RAPGEF2: variants seen among roughly 807,000 people sequenced by gnomAD.
The protein encoded by RAPGEF2 is PDZ domain containing guanine nucleotide exchange factor (GEF) 1.
Under a neutral mutation model 186.7 loss-of-function variants are expected in RAPGEF2, and 54 were observed. The ratio of observed to expected loss-of-function variants is 0.29; its 90% confidence interval spans 0.23 to 0.36. RAPGEF2 has a LOEUF of 0.36. Among genes scored for constraint, RAPGEF2 ranks in the 10% least tolerant of loss-of-function variants. The pLI is 1.00. For synonymous variants in RAPGEF2, 712 were observed against 705.9 expected, an observed-to-expected ratio of 1.01 and a Z score of -0.14; for missense variants, 1,532 against 2,045.0, an observed-to-expected ratio of 0.75 and a Z score of 4.84.
intron 11 of RAPGEF2, among the ~76,000 whole-genome samples, chr4:159,325,824 G>GT (rs1166577060): frequency 3.9e-4 from 60 of 152,314 alleles, no homozygotes; most frequent in South Asian, 1.9e-3. Flanking sequence ...GGAAGAGGAA[G>GT]TAGGGGTTAT....
At chr4:159,292,565 C>CA (rs1347672876) in intron 7 of RAPGEF2, among the ~76,000 whole-genome samples, 1 of 152,268 alleles carries the variant, frequency 6.6e-6, no homozygotes, top group African/African-American at 2.4e-5. Flanking sequence ...TCTATGGAGT[C>CA]AGAGTTTTGA....
chr4:159,358,211 G>T lies in RAPGEF2; in HGVS notation c.*72G>T. ...ACAAGAAGACGTCCTGAGCATTGGAGCCTTGGAACTCACATTCTGAGGACG... is the reference window on the plus strand; with the variant it reads ...ACAAGAAGACGTCCTGAGCATTGGATCCTTGGAACTCACATTCTGAGGACG... On this transcript the variant is annotated 3_prime_UTR_variant, in exon 30 of 30. Coordinates refer to ENST00000691494, the MANE Select transcript of RAPGEF2 (RefSeq NM_001394067.2). 4 of 1,469,190 alleles carry T rather than the reference G, an allele frequency of 2.7e-6. No homozygotes were observed. The highest frequency in any genetic ancestry group is 3.7e-6 in the Non-Finnish European group (4 of 1,073,690). The allele number at this position is 1,469,190 out of a possible 1,614,324, so 91.0% of individuals were successfully genotyped here.
At chr4:159,161,018 TA>T (rs1299526854) in intron 1 of RAPGEF2, among the ~76,000 whole-genome samples, 11 of 152,140 alleles carry the variant, frequency 7.2e-5, no homozygotes, top group Admixed American at 4.6e-4. Flanking sequence ...ATTCATAGCT[TA>T]AAAAAATGCT....
In RAPGEF2 at chr4:159,323,490, C is replaced by G. The variant is rs373158709; in HGVS notation, c.1022C>G (p.Ser341Cys). ...LDSWSVILNG[S>C]VEVTYPDGKA... ...TCCTGGTCAGTGATTCTCAATGGATCTGTGGAAGTGACTTATCCAGATGGA... is the reference window on the plus strand; with the variant it reads ...TCCTGGTCAGTGATTCTCAATGGATGTGTGGAAGTGACTTATCCAGATGGA... The change falls in exon 11 of 30, where the codon TCT becomes TGT. Residue 341 changes from serine (S) to cysteine (C), a missense_variant. This residue lies in a region of RAPGEF2 where 810 missense variants were observed against 1,210.5 expected (regional missense o/e 0.67). Transcript: ENST00000691494. 89 of 1,610,544 alleles carry G rather than the reference C, an allele frequency of 5.5e-5. No homozygotes were observed. In the South Asian group the frequency reaches 7.4e-4, roughly 13 times the overall value.
intron 1 of RAPGEF2, among the ~76,000 whole-genome samples, chr4:159,129,816 G>T (rs943492653): frequency 1.3e-5 from 2 of 152,190 alleles, no homozygotes; most frequent in Admixed American, 6.5e-5. Context: ...TCTTGGGCAA[G>T]AAAGAATTTG....
chr4:159,240,349 TTG>T lies in RAPGEF2; in HGVS notation c.358-851_358-850del, dbSNP rs1554015777. Among the ~76,000 whole-genome samples the T allele has an allele frequency of 3.2e-3, 472 of 147,016 alleles. 3 individuals carry two copies. Among genetic ancestry groups the T allele is most frequent in the African/African-American group, 0.011 (453 of 39,622 alleles). ...ATTTCTACTTTTTTTTTTTTTTTTT[TTG>T]GAGACGGAGTCTTGTCGTGTTGTCT... On this transcript the variant is annotated intron_variant, in intron 5 of 29. Transcript: ENST00000691494.
At chr4:159,190,221 T>G (rs535608268) in intron 2 of RAPGEF2, among the ~76,000 whole-genome samples, 1 of 152,200 alleles carries the variant, frequency 6.6e-6, no homozygotes, top group South Asian at 2.1e-4. Flanking sequence ...GGAGTTTGGA[T>G]TTTCTTTTAG....
intron 7 of RAPGEF2, among the ~76,000 whole-genome samples, chr4:159,255,745 T>C (rs1756084377): frequency 6.6e-6 from 1 of 152,188 alleles, no homozygotes; most frequent in Admixed American, 6.5e-5. Context: ...GTTTTTACTT[T>C]TATTGTAAAT....
intron 7 of RAPGEF2, among the ~76,000 whole-genome samples, chr4:159,260,889 C>G (rs922297488): frequency 2.0e-4 from 30 of 152,256 alleles, no homozygotes; most frequent in African/African-American, 6.7e-4. Flanking sequence ...GCCGGGATTA[C>G]AGGCATGCGC....
At chr4:159,114,066 C>T (rs199852795) in intron 1 of RAPGEF2, among the ~76,000 whole-genome samples, 1 of 151,810 alleles carries the variant, frequency 6.6e-6, no homozygotes, top group East Asian at 1.9e-4. Flanking sequence ...GATCCTCGCA[C>T]CTTAGGCTCC....
At chr4:159,265,094 C>G (rs1757281627) in intron 7 of RAPGEF2, among the ~76,000 whole-genome samples, 1 of 152,156 alleles carries the variant, frequency 6.6e-6, no homozygotes, top group Non-Finnish European at 1.5e-5. Flanking sequence ...GGACTTTTGA[C>G]AGAAACTAGT....
At chr4:159,335,835 C>CAAAA (rs778302629) in intron 17 of RAPGEF2, among the ~76,000 whole-genome samples, 12 of 48,138 alleles carry the variant, frequency 2.5e-4, no homozygotes, top group Non-Finnish European at 2.9e-4. Context: ...GACTCCGTCT[C>CAAAA]AAAAAAAAAA....
chr4:159,317,527 C>T (rs559803828), intron 9 of RAPGEF2, among the ~76,000 whole-genome samples: 1 of 152,244 alleles, frequency 6.6e-6, no homozygotes, highest in Admixed American at 6.5e-5. Context: ...CTGTTTCACC[C>T]CCTGAAGACT....
At chr4:159,271,891 A>G (rs1328261307) in intron 7 of RAPGEF2, among the ~76,000 whole-genome samples, 1 of 152,130 alleles carries the variant, frequency 6.6e-6, no homozygotes, top group South Asian at 2.1e-4. Flanking sequence ...TCATGTTGAG[A>G]CTTGAGTTGA....
chr4:159,262,909 A>T (rs1386833490), intron 7 of RAPGEF2, among the ~76,000 whole-genome samples: 2 of 152,094 alleles, frequency 1.3e-5, no homozygotes, highest in African/African-American at 4.8e-5. Context: ...GGTTTTTCTG[A>T]TACTGAACAT....
At chr4:159,177,493 CAA>C (rs1746557436) in intron 1 of RAPGEF2, among the ~76,000 whole-genome samples, 1 of 152,180 alleles carries the variant, frequency 6.6e-6, no homozygotes, top group Non-Finnish European at 1.5e-5. Flanking sequence ...GTCTCACTAA[CAA>C]ACCCAGGGTC....
intron 7 of RAPGEF2, among the ~76,000 whole-genome samples, chr4:159,295,524 C>A (rs1393732293): frequency 6.6e-6 from 1 of 152,074 alleles, no homozygotes; most frequent in Non-Finnish European, 1.5e-5. Flanking sequence ...ATACATTAAT[C>A]AACTACCTCC....
At chr4:159,107,898 C>T (rs1016777222) in intron 1 of RAPGEF2, among the ~76,000 whole-genome samples, 4 of 152,184 alleles carry the variant, frequency 2.6e-5, no homozygotes, top group Non-Finnish European at 2.9e-5. Context: ...TAAGCAGACT[C>T]ATATTTGTCA....
chr4:159,230,696 C>A (rs190457957), intron 4 of RAPGEF2, among the ~76,000 whole-genome samples: 1 of 152,070 alleles, frequency 6.6e-6, no homozygotes, highest in Non-Finnish European at 1.5e-5. Context: ...ATTTGAATTG[C>A]CTTCTGAATT....
Sources: allele counts gnomAD v4.1 joint callset (sites outside exome capture counted in the v4.1 genomes callset), GRCh38; gene constraint gnomAD v4.1.1; regional missense constraint gnomAD v4.1.1; transcripts MANE v1.5; gene names NCBI Gene and HGNC (gene_info 2026-07-23, HGNC 2026-07-21).